Variants in FARS2 observed in about 807,000 individuals in gnomAD.
FARS2 encodes phenylalanyl-tRNA synthetase 2, mitochondrial, also known as phenylalanine--tRNA ligase, mitochondrial.
A neutral mutation model predicts 46.4 loss-of-function variants in FARS2; 40 were observed. The observed-to-expected ratio is 0.86, with a 90% CI of 0.67 to 1.12. The LOEUF is 1.12. Among genes scored for constraint, FARS2 ranks in the 50% most tolerant of loss-of-function variants. The pLI, the probability that FARS2 is intolerant of heterozygous loss-of-function variation, is 0.00. For synonymous variants in FARS2, 234 were observed against 214.9 expected, an observed-to-expected ratio of 1.09 and a Z score of -0.78; for missense variants, 513 against 567.9, an observed-to-expected ratio of 0.90 and a Z score of 0.98.
At chr6:5,644,024 A>G (rs753803863) in intron 6 of FARS2, among the ~76,000 whole-genome samples, 78 of 152,018 alleles carry the variant, frequency 5.1e-4, no homozygotes, top group Non-Finnish European at 9.9e-4. Context: ...AGATGTAATG[A>G]ACACTCTTGC....
chr6:5,489,266 C>T (rs1224790031), intron 4 of FARS2, among the ~76,000 whole-genome samples: 1 of 151,938 alleles, frequency 6.6e-6, no homozygotes, highest in Non-Finnish European at 1.5e-5. Context: ...CTAGCATGGC[C>T]AACATAGTGA....
At chr6:5,282,302 C>G (rs1442253863) in intron 1 of FARS2, among the ~76,000 whole-genome samples, 2 of 152,160 alleles carry the variant, frequency 1.3e-5, no homozygotes, top group Non-Finnish European at 2.9e-5. Flanking sequence ...TAGAAGGAAG[C>G]AGCAGCAAGC....
chr6:5,403,200 T>A (rs779241106), intron 2 of FARS2, among the ~76,000 whole-genome samples: 14 of 152,364 alleles, frequency 9.2e-5, no homozygotes, highest in Middle Eastern at 6.8e-3. Flanking sequence ...CTCATTTTGC[T>A]GGCCAGTTAG....
intron 4 of FARS2, chr6:5,466,924 T>A: frequency 1.0e-6 from 1 of 985,402 alleles, no homozygotes; most frequent in Non-Finnish European, 1.2e-6. Context: ...TATGCTGCAG[T>A]GACTTCTCTC....
In FARS2 at chr6:5,750,344, G is replaced by A. The variant is rs777241052; in HGVS notation, c.1218-20947G>A. Among the ~76,000 whole-genome samples the A allele has an allele frequency of 7.2e-5, 11 of 152,222 alleles. 1 individual carries two copies. The South Asian group carries it at 1.0e-3, about 14-fold the overall frequency. Reference sequence around the variant, plus strand: ...GATGACTGGGCACCCTTCTCTCCTCGGACGCAGACCCAGCCCTGCACCTGA... The same window carrying A: ...GATGACTGGGCACCCTTCTCTCCTCAGACGCAGACCCAGCCCTGCACCTGA... On this transcript the variant is annotated intron_variant, in intron 6 of 6. Transcript: ENST00000274680.
At chr6:5,508,912 A>G (rs952546462) in intron 4 of FARS2, among the ~76,000 whole-genome samples, 1 of 152,242 alleles carries the variant, frequency 6.6e-6, no homozygotes, top group African/African-American at 2.4e-5. Flanking sequence ...ATTTAGTGAC[A>G]AATATAAAGG....
intron 4 of FARS2, among the ~76,000 whole-genome samples, chr6:5,485,784 C>T (rs988801952): frequency 1.3e-5 from 2 of 152,192 alleles, no homozygotes. Context: ...TGCAGGGTGG[C>T]CATGAGCCGC....
chr6:5,354,210 A>G (rs994058284), intron 1 of FARS2, among the ~76,000 whole-genome samples: 1 of 152,136 alleles, frequency 6.6e-6, no homozygotes, highest in Admixed American at 6.5e-5. Context: ...AATTTCATTG[A>G]AACTACTTAG....
intron 1 of FARS2, among the ~76,000 whole-genome samples, chr6:5,306,850 C>T (rs1768739656): frequency 6.6e-6 from 1 of 152,032 alleles, no homozygotes; most frequent in Non-Finnish European, 1.5e-5. Context: ...TATTTTCCTA[C>T]AGCATGCTGA....
At chr6:5,284,658 C>T (rs1167601952) in intron 1 of FARS2, among the ~76,000 whole-genome samples, 1 of 152,214 alleles carries the variant, frequency 6.6e-6, no homozygotes, top group Non-Finnish European at 1.5e-5. Context: ...AACACTCCCT[C>T]ACCTTGTTTA....
chr6:5,604,739 A>G (rs577142907), intron 5 of FARS2, among the ~76,000 whole-genome samples: 2 of 152,116 alleles, frequency 1.3e-5, no homozygotes, highest in East Asian at 3.9e-4. Flanking sequence ...GTATATGTAC[A>G]TACATGTATA....
chr6:5,254,597 A>G, the FARS2 span, among the ~76,000 whole-genome samples: 1 of 152,230 alleles, frequency 6.6e-6, no homozygotes, highest in Admixed American at 6.5e-5. Flanking sequence ...GTAACTGTGT[A>G]TGTGTGATAT....
At chr6:5,541,819 T>C (rs1770655104) in intron 4 of FARS2, among the ~76,000 whole-genome samples, 1 of 152,200 alleles carries the variant, frequency 6.6e-6, no homozygotes, top group Non-Finnish European at 1.5e-5. Context: ...TTCCACTGCA[T>C]AATACTTAGG....
At chr6:5,747,976 A>T (rs1761732734) in intron 6 of FARS2, among the ~76,000 whole-genome samples, 1 of 152,174 alleles carries the variant, frequency 6.6e-6, no homozygotes, top group Non-Finnish European at 1.5e-5. Context: ...ATATTGTTTC[A>T]TCCTGGATCA....
chr6:5,352,810 A>T (rs528376766), intron 1 of FARS2, among the ~76,000 whole-genome samples: 4 of 152,168 alleles, frequency 2.6e-5, no homozygotes, highest in Non-Finnish European at 5.9e-5. Flanking sequence ...AATCGTACAT[A>T]TGTACGGGGT....
At chr6:5,570,035 A>G (rs566371165) in intron 5 of FARS2, among the ~76,000 whole-genome samples, 5 of 152,322 alleles carry the variant, frequency 3.3e-5, no homozygotes, top group African/African-American at 1.2e-4. Context: ...GCTTAAGGAC[A>G]GGTTATGTAA....
chr6:5,711,644 A>G (rs1759179093), intron 6 of FARS2, among the ~76,000 whole-genome samples: 1 of 152,230 alleles, frequency 6.6e-6, no homozygotes, highest in Admixed American at 6.5e-5. Flanking sequence ...ACAAGGGGAA[A>G]AAATAAGACA....
In FARS2 at chr6:5,406,612, G is replaced by T. The variant is rs1761610741; in HGVS notation, c.772+1911G>T. ...ATCCATATCATAGTGTATATGAGTA[G>T]TTGATTCCTTTTGTTAATCAGTATC... On this transcript the variant is annotated intron_variant, in intron 3 of 6. Coordinates refer to ENST00000274680, the MANE Select transcript of FARS2 (RefSeq NM_006567.5). 1.3e-5 allele frequency among the ~76,000 whole-genome samples: 2 copies of T among 152,070 alleles called. 1 individual carries two copies. The highest frequency in any genetic ancestry group is 4.1e-4 in the South Asian group (2 of 4,822).
intron 1 of FARS2, among the ~76,000 whole-genome samples, chr6:5,315,457 CTG>C (rs1385117105): frequency 1.3e-5 from 2 of 152,162 alleles, no homozygotes. Flanking sequence ...AAGTCATAAA[CTG>C]TAATGAAATT....
Sources: gnomAD v4.1 joint callset for allele counts (sites outside exome capture counted in the v4.1 genomes callset) on GRCh38, gnomAD v4.1.1 for gene constraint, MANE v1.5 for transcripts, NCBI Gene and HGNC (gene_info 2026-07-23, HGNC 2026-07-21) for gene names.